Variants in MYOCD observed in about 807,000 individuals in gnomAD.
MYOCD encodes the protein myocardin.
In MYOCD, 32 loss-of-function variants were observed where a neutral mutation model predicts 96.1. The ratio of observed to expected loss-of-function variants is 0.33; its 90% CI spans 0.25 to 0.45. MYOCD has a LOEUF of 0.45. Among genes scored for constraint, MYOCD ranks in the 20% least tolerant of loss-of-function variants. MYOCD has a pLI of 1.00. For missense variants in MYOCD, 1,133 were observed against 1,200.6 expected (o/e 0.94, Z 0.83); for synonymous variants, 469 against 469.0 (o/e 1.00, Z 0.00).
intron 5 of MYOCD, among the ~76,000 whole-genome samples, chr17:12,724,662 CT>C (rs1454835899): frequency 6.6e-6 from 1 of 151,848 alleles, no homozygotes; most frequent in East Asian, 1.9e-4. Flanking sequence ...CCTAGATTGC[CT>C]TGTAATATCT....
rs1318045560 is a variant in MYOCD, at chr17:12,764,836, G to T, written c.*1192G>T. 1 of 152,132 alleles carries T rather than the reference G, an allele frequency of 6.6e-6. No homozygotes were observed. Among genetic ancestry groups the T allele is most frequent in the Non-Finnish European group, 1.5e-5 (1 of 68,034 alleles). 9.4% of individuals were successfully genotyped at this position (152,132 alleles called of 1,614,324 possible). A position where few individuals can be genotyped will look rare whatever the true frequency, so the allele number is the denominator to read the frequency against. ...CATTTTTGAAAAATTTAACAATCCA[G>T]GTTCTTCTGGAGAACTCATTCTCCA... is the stretch of plus-strand genomic sequence containing the variant. On this transcript the variant is annotated 3_prime_UTR_variant, in exon 14 of 14. Coordinates refer to ENST00000425538, the MANE Select transcript of MYOCD (RefSeq NM_001146312.3).
rs760880564 is a variant in MYOCD at position 12,744,327 on chromosome 17, C to T, written c.862C>T (p.Arg288Trp). The change falls in exon 8 of 14, where the codon CGG (arginine) becomes TGG (tryptophan). Residue 288 changes from arginine to tryptophan, a missense_variant. Physicochemically the swap from Arg to Trp is moderately radical, Grantham distance 101 (BLOSUM62 -3). Coordinates refer to ENST00000425538, the MANE Select transcript of MYOCD (RefSeq NM_001146312.3). The part of the protein sequence containing the change: ...SPPPMDSAYA[R>W]LLQQQQLFLQ... ...TCCACCTATGGACTCAGCCTACGCT[C>T]GGCTGCTCCAGCAACAGCAGCTGTT... 5.6e-6 allele frequency: 9 copies of T among 1,614,202 alleles called. No homozygotes were observed. Among genetic ancestry groups the T allele is most frequent in the East Asian group, 2.2e-5 (1 of 44,886 alleles).
chr17:12,696,993 G>A (rs997085642), intron 1 of MYOCD, among the ~76,000 whole-genome samples: 5 of 152,050 alleles, frequency 3.3e-5, no homozygotes, highest in South Asian at 4.2e-4. Context: ...AAGGCCCATC[G>A]CTGTGTCTCC....
chr17:12,725,547 C>G, intron 5 of MYOCD, among the ~76,000 whole-genome samples: 2 of 147,998 alleles, frequency 1.4e-5, no homozygotes, highest in Middle Eastern at 7.2e-3. Context: ...ATATAAAGCA[C>G]ATGTTTATAT....
intron 1 of MYOCD, among the ~76,000 whole-genome samples, chr17:12,668,886 G>A (rs1045838174): frequency 2.6e-5 from 4 of 152,250 alleles, no homozygotes; most frequent in Admixed American, 2.6e-4. Flanking sequence ...ATATTGATGT[G>A]CAGTGGGACC....
In MYOCD at chr17:12,697,566, G is replaced by A. The variant is rs188653966; in HGVS notation, c.56-7562G>A. Reference sequence around the variant, plus strand: ...TTTAGTAGAGATGGGGTTTCTTCACGTTAGCCAGGATGATCTCGATCTCCT... The same window carrying A: ...TTTAGTAGAGATGGGGTTTCTTCACATTAGCCAGGATGATCTCGATCTCCT... On this transcript the variant is annotated intron_variant, in intron 1 of 13. Coordinates refer to ENST00000425538, the MANE Select transcript of MYOCD (RefSeq NM_001146312.3). Among the ~76,000 whole-genome samples the A allele has an allele frequency of 3.6e-3, 541 of 151,156 alleles. 4 individuals are homozygous for A. The highest frequency in any genetic ancestry group is 4.5e-3 in the Non-Finnish European group (302 of 67,842).
intron 1 of MYOCD, among the ~76,000 whole-genome samples, chr17:12,700,682 G>A (rs2031028579): frequency 6.6e-6 from 1 of 151,260 alleles, no homozygotes; most frequent in Admixed American, 6.6e-5. Flanking sequence ...CCAAAGTGCT[G>A]GGATTACAGG....
intron 10 of MYOCD, among the ~76,000 whole-genome samples, chr17:12,754,154 G>C (rs1020994140): frequency 1.3e-5 from 2 of 151,952 alleles, no homozygotes; most frequent in Non-Finnish European, 2.9e-5. Context: ...ACCCAGGCTA[G>C]AGTGCAGTGG....
Position 12,744,443 on chromosome 17 carries a change from C to T in MYOCD, c.971+7C>T. 6.2e-7 allele frequency: 1 copy of T among 1,600,596 alleles called. No homozygotes were observed. The stretch of plus-strand genomic sequence containing the variant: ...TGCACCAAGCTCAGCTTAAGTAAGT[C>T]CGGCAAGGCTGGGAGGGTGGCTGTG... On this transcript the variant is annotated splice_region_variant and intron_variant, in intron 8 of 13. Transcript: ENST00000425538.
intron 1 of MYOCD, among the ~76,000 whole-genome samples, chr17:12,697,597 C>T (rs1394439519): frequency 2.0e-5 from 3 of 151,682 alleles, no homozygotes; most frequent in South Asian, 4.2e-4. Flanking sequence ...CTCCTGACCT[C>T]GTCTCGGCCT....
chr17:12,691,166 T>C (rs1294976658), intron 1 of MYOCD, among the ~76,000 whole-genome samples: 1 of 152,138 alleles, frequency 6.6e-6, no homozygotes, highest in Non-Finnish European at 1.5e-5. Flanking sequence ...ATAGAAAAGA[T>C]CCATTTCTAC....
In MYOCD at chr17:12,749,022, G is replaced by A. The variant is rs75060826; in HGVS notation, c.1125+2950G>A. On this transcript the variant is annotated intron_variant, in intron 9 of 13. Transcript: ENST00000425538. ...TTATATTTCCTTCTAGGTTTAAAATGCATATAAACATTTTGTTTTAAAATA... is the reference window on the plus strand; with the variant it reads ...TTATATTTCCTTCTAGGTTTAAAATACATATAAACATTTTGTTTTAAAATA... Among the ~76,000 whole-genome samples the A allele has an allele frequency of 7.2e-5, 11 of 152,228 alleles. No individual in the cohort carries two copies. The East Asian group carries it at 1.5e-3, about 21-fold the overall frequency.
At chr17:12,698,420 G>A (rs1262065810) in intron 1 of MYOCD, among the ~76,000 whole-genome samples, 1 of 152,112 alleles carries the variant, frequency 6.6e-6, no homozygotes, top group Non-Finnish European at 1.5e-5. Context: ...TGAGGTGAGA[G>A]GGAGAGGAAT....
intron 10 of MYOCD, 142 bp downstream of exon 10, chr17:12,753,488 T>A: frequency 1.3e-6 from 1 of 771,664 alleles, no homozygotes; most frequent in Non-Finnish European, 2.0e-6. Context: ...GACACTACAA[T>A]CCTTGAATCC....
intron 2 of MYOCD, among the ~76,000 whole-genome samples, chr17:12,708,003 G>A (rs1422583614): frequency 6.6e-6 from 1 of 152,044 alleles, no homozygotes; most frequent in Non-Finnish European, 1.5e-5. Context: ...ACTGGCTGAG[G>A]CAGTGTCAAG....
intron 1 of MYOCD, among the ~76,000 whole-genome samples, chr17:12,700,605 G>A (rs1183237708): frequency 2.0e-5 from 3 of 150,944 alleles, no homozygotes; most frequent in African/African-American, 4.9e-5. Flanking sequence ...TAGTAGAGAC[G>A]GGGTTTCACC....
rs774480597 is a variant in MYOCD, at chr17:12,744,220, A to T, written c.755A>T (p.Lys252Met). ...GGTGACAGTAAGAACCGCCACAAAA[A>T]GCCCAAGGACCCCAAGCCAAAGGTG... ...SLGDSKNRHK[K>M]PKDPKPKVKK... The change falls in exon 8 of 14, where the codon AAG becomes ATG. Residue 252 changes from lysine (K) to methionine (M), a missense_variant. Lys to Met is a moderately conservative substitution (Grantham distance 95). Transcript: ENST00000425538. 2 of 1,614,072 alleles carry T rather than the reference A, an allele frequency of 1.2e-6. No homozygotes were observed. The highest frequency in any genetic ancestry group is 1.7e-6 in the Non-Finnish European group (2 of 1,180,042).
intron 12 of MYOCD, chr17:12,760,358 T>C (rs1409658186): frequency 2.7e-6 from 1 of 374,958 alleles, no homozygotes; most frequent in Non-Finnish European, 5.1e-6. Flanking sequence ...GGATGGGGTG[T>C]GGGAAATTAT....
chr17:12,747,180 G>A (rs1356196556), intron 9 of MYOCD, among the ~76,000 whole-genome samples: 1 of 152,162 alleles, frequency 6.6e-6, no homozygotes, highest in Non-Finnish European at 1.5e-5. Flanking sequence ...ATGATAGGCA[G>A]TTTAACCAGC....
Sources: allele counts gnomAD v4.1 joint callset (sites outside exome capture counted in the v4.1 genomes callset), GRCh38; gene constraint gnomAD v4.1.1; transcripts MANE v1.5; gene names NCBI Gene and HGNC (gene_info 2026-07-23, HGNC 2026-07-21).